Variants in NUP93 observed in about 807,000 individuals in gnomAD.
The protein encoded by NUP93 is nuclear pore complex protein Nup93.
Under a neutral mutation model 107.8 loss-of-function variants are expected in NUP93, and 55 were observed. The ratio of observed to expected loss-of-function variants is 0.51; its 90% CI spans 0.41 to 0.64. The LOEUF is 0.64. NUP93 is among the 30% of genes least tolerant of loss of function. The pLI, the probability that NUP93 is intolerant of heterozygous loss-of-function variation, is 0.00. For synonymous variants in NUP93, 390 were observed against 397.5 expected (o/e 0.98, Z 0.22); for missense variants, 937 against 1,044.7 (o/e 0.90, Z 1.42).
chr16:56,739,669 A>G (rs867472506), intron 1 of NUP93, among the ~76,000 whole-genome samples: 745 of 36,948 alleles, frequency 0.02, no homozygotes, highest in African/African-American at 0.034. Context: ...GGCCGGGCGG[A>G]GGGCTGACCC....
At chr16:56,842,579 G>A (rs554761260) in intron 21 of NUP93, 6 of 447,450 alleles carry the variant, frequency 1.3e-5, no homozygotes, top group South Asian at 6.3e-5. Context: ...TTGAGGCAGG[G>A]CCTGGCTCTG....
intron 7 of NUP93, among the ~76,000 whole-genome samples, chr16:56,822,926 A>G (rs1391581222): frequency 2.6e-5 from 4 of 152,248 alleles, no homozygotes; most frequent in Admixed American, 6.5e-5. Flanking sequence ...GAGACAGACC[A>G]TGAAAACAGG....
intron 18 of NUP93, among the ~76,000 whole-genome samples, chr16:56,838,457 A>C (rs1963956420): frequency 6.6e-6 from 1 of 152,228 alleles, no homozygotes; most frequent in African/African-American, 2.4e-5. Context: ...AGGTGGATTC[A>C]TACCAAATCC....
chr16:56,814,182 T>G (rs1210583032), intron 5 of NUP93, among the ~76,000 whole-genome samples: 1 of 152,200 alleles, frequency 6.6e-6, no homozygotes, highest in Non-Finnish European at 1.5e-5. Flanking sequence ...TTCCTTTTTT[T>G]TCTTTTTCTC....
chr16:56,803,275 A>G (rs754775694), intron 4 of NUP93, among the ~76,000 whole-genome samples: 3 of 152,128 alleles, frequency 2.0e-5, no homozygotes, highest in African/African-American at 4.8e-5. Flanking sequence ...CCTAGCCAAC[A>G]TGGTGAAACC....
Position 56,844,942 on chromosome 16 carries a change from G to A in NUP93, c.*333G>A, listed in dbSNP as rs1964098247. 2.8e-6 allele frequency: 1 copy of A among 362,730 alleles called. No homozygotes were observed. The highest frequency in any genetic ancestry group is 4.9e-6 in the Non-Finnish European group (1 of 204,870). The allele number at this position is 362,730 out of a possible 1,614,324, so 22.5% of individuals were successfully genotyped here. On this transcript the variant is annotated 3_prime_UTR_variant, in exon 22 of 22. Transcript: ENST00000308159. ...TTAATTAAAAATCTACCCAAAATGA[G>A]CCAGGAAACAAAGCCTTTGGGAGTT...
At chr16:56,798,408 G>T in intron 3 of NUP93, 68 bp from the exon 4 acceptor site, 1 of 1,311,742 alleles carries the variant, frequency 7.6e-7, no homozygotes, top group Non-Finnish European at 1.1e-6. Context: ...GTTATTGTTT[G>T]CCCTGCAGTA....
intron 11 of NUP93, 121 bp downstream of exon 11, chr16:56,832,128 C>A: frequency 7.6e-7 from 1 of 1,311,226 alleles, no homozygotes; most frequent in Non-Finnish European, 1.1e-6. Flanking sequence ...GTGGGTTCCT[C>A]GTCTCCTGTC....
intron 3 of NUP93, among the ~76,000 whole-genome samples, chr16:56,785,784 T>G (rs1962613548): frequency 6.6e-6 from 1 of 152,178 alleles, no homozygotes; most frequent in East Asian, 1.9e-4. Context: ...AGATAAAAAT[T>G]TTGAGATTTT....
chr16:56,810,586 C>T (rs1014560141), intron 5 of NUP93, among the ~76,000 whole-genome samples: 8 of 152,144 alleles, frequency 5.3e-5, no homozygotes, highest in South Asian at 2.1e-4. Context: ...GAGCTGTGAT[C>T]GCACCACTGT....
rs113830686 is a variant in NUP93 at position 56,849,152 on chromosome 16, G to C, written c.*4543G>C. 3.3e-5 allele frequency: 5 copies of C among 152,194 alleles called. No homozygotes were observed. Among genetic ancestry groups the C allele is most frequent in the African/African-American group, 1.2e-4 (5 of 41,454 alleles). 9.4% of individuals were successfully genotyped at this position (152,194 alleles called of 1,614,324 possible). On this transcript the variant is annotated 3_prime_UTR_variant, in exon 22 of 22. Coordinates refer to ENST00000308159, the MANE Select transcript of NUP93 (RefSeq NM_014669.5). ...CTAGATTCAGACTCCGTGATTCACC[G>C]TGGGGGCCCTTAATAGGCATTCAGT...
chr16:56,830,799 G>A, intron 10 of NUP93, 114 bp downstream of exon 10: 1 of 993,824 alleles, frequency 1.0e-6, no homozygotes, highest in Non-Finnish European at 1.4e-6. Flanking sequence ...TCTGCTTGGG[G>A]GAAAAAGGAA....
chr16:56,820,263 C>T (rs1206154326), intron 6 of NUP93, among the ~76,000 whole-genome samples: 3 of 152,190 alleles, frequency 2.0e-5, no homozygotes, highest in Admixed American at 6.5e-5. Flanking sequence ...AAGAAATGCT[C>T]ATTGAGTGAA....
chr16:56,835,895 G>A (rs1422417329), intron 16 of NUP93, among the ~76,000 whole-genome samples: 2 of 152,082 alleles, frequency 1.3e-5, no homozygotes, highest in East Asian at 1.9e-4. Context: ...TTGGGAGGCC[G>A]AGGCGGGTGG....
At chr16:56,807,954 C>G (rs371300742) in intron 5 of NUP93, among the ~76,000 whole-genome samples, 2 of 150,194 alleles carry the variant, frequency 1.3e-5, no homozygotes, top group East Asian at 3.9e-4. Flanking sequence ...CCAGGGGAGT[C>G]GGAGGTCGCA....
intron 3 of NUP93, among the ~76,000 whole-genome samples, chr16:56,766,227 A>G (rs536626908): frequency 6.6e-6 from 1 of 152,340 alleles, no homozygotes; most frequent in Non-Finnish European, 1.5e-5. Context: ...ACCAACTTAA[A>G]GAAGAAAGAA....
At chr16:56,808,534 TTA>T (rs1408134985) in intron 5 of NUP93, among the ~76,000 whole-genome samples, 1 of 116,462 alleles carries the variant, frequency 8.6e-6, no homozygotes, top group Non-Finnish European at 1.6e-5. Context: ...ATAAATATAG[TTA>T]TATAACTATA....
intron 3 of NUP93, among the ~76,000 whole-genome samples, chr16:56,784,763 C>T (rs1193483272): frequency 1.3e-5 from 2 of 152,166 alleles, no homozygotes; most frequent in Non-Finnish European, 2.9e-5. Flanking sequence ...AACTGGGTAT[C>T]TGAAAATCCT....
At chr16:56,793,810 T>C (rs1236109524) in intron 3 of NUP93, among the ~76,000 whole-genome samples, 2 of 152,108 alleles carry the variant, frequency 1.3e-5, no homozygotes, top group African/African-American at 4.8e-5. Flanking sequence ...TATTTTATAC[T>C]TTGGGAGGCT....
Sources: allele counts gnomAD v4.1 joint callset (sites outside exome capture counted in the v4.1 genomes callset), GRCh38; gene constraint gnomAD v4.1.1; transcripts MANE v1.5; gene names NCBI Gene and HGNC (gene_info 2026-07-23, HGNC 2026-07-21).